PKHD1: variants seen among roughly 807,000 people sequenced by gnomAD.
The protein encoded by PKHD1 is PKHD1 ciliary IPT domain containing fibrocystin/polyductin.
PKHD1 carries 291 observed loss-of-function variants against 412.0 expected under a neutral mutation model. The ratio of observed to expected loss-of-function variants is 0.71; its 90% CI spans 0.64 to 0.78. The LOEUF is 0.78. PKHD1 is among the 30% of genes least tolerant of loss of function. The probability of loss-of-function intolerance (pLI) is 0.00; values close to 1 mark genes in which losing one functional copy is unlikely to be tolerated. For synonymous variants in PKHD1, 1,777 were observed against 1,821.5 expected (o/e 0.98, Z 0.62); for missense variants, 4,825 against 4,950.7 (o/e 0.97, Z 0.76).
chr6:51,629,312 G>T (rs900453428), intron 65 of PKHD1, among the ~76,000 whole-genome samples: 1 of 151,854 alleles, frequency 6.6e-6, no homozygotes, highest in Admixed American at 6.6e-5. Flanking sequence ...CACAAACTAT[G>T]CATCTGACAA....
rs1806566447 is a variant in PKHD1, at chr6:52,050,159, T to C, written c.2277A>G (p.Ala759=). 2 of 1,613,882 alleles carry C rather than the reference T, an allele frequency of 1.2e-6. No homozygotes were observed. Among genetic ancestry groups the C allele is most frequent in the Admixed American group, 1.7e-5 (1 of 60,002 alleles). The change falls in exon 22 of 67, where the codon GCA becomes GCG. Residue 759 remains alanine (A), a splice_region_variant and synonymous_variant. Transcript: ENST00000371117. The part of the protein sequence containing the change: ...GCGTELPLIT[A]RSVPTEGTEE... ...GGTGTAAAAAAGCCACTCCTTACCG[T>C]GCAGTGATGAGCGGGAGCTCCGTGC...
intron 43 of PKHD1, among the ~76,000 whole-genome samples, chr6:51,890,713 G>A (rs1664052636): frequency 6.6e-6 from 1 of 152,168 alleles, no homozygotes; most frequent in Admixed American, 6.5e-5. Flanking sequence ...GGGGAAAAAA[G>A]CATGCACAGC....
rs1446257409 is a variant in PKHD1 at position 52,043,123 on chromosome 6, T to A, written c.2833A>T (p.Asn945Tyr). 1.9e-6 allele frequency: 3 copies of A among 1,611,936 alleles called. No homozygotes were observed. Among genetic ancestry groups the A allele is most frequent in the Non-Finnish European group, 2.5e-6 (3 of 1,178,216 alleles). ...GTTCCGGTAATGTAAATCATTAGGTTGATGTCACCATCTTAAAGGAGAAAA... is the reference window on the plus strand; with the variant it reads ...GTTCCGGTAATGTAAATCATTAGGTAGATGTCACCATCTTAAAGGAGAAAA... ...SVWYSIDGDI[N>Y]LMIYITGTGF... is the part of the protein sequence containing the mutation. Residue 945 changes from asparagine (N) to tyrosine (Y), a missense_variant, in exon 27 of 67, where the codon AAC (asparagine) becomes TAC (tyrosine). Transcript: ENST00000371117.
intron 36 of PKHD1, among the ~76,000 whole-genome samples, chr6:51,937,971 G>A (rs895336101): frequency 6.6e-6 from 1 of 152,194 alleles, no homozygotes; most frequent in Non-Finnish European, 1.5e-5. Flanking sequence ...TCACAGGCTG[G>A]CTGGCTTTGC....
At position 51,659,791 on chromosome 6, in the gene PKHD1, AT is replaced by A. The variant is rs2150417202; in HGVS notation, c.10334del (p.Asn3445MetfsTer66). The A allele has an allele frequency of 6.2e-7, 1 of 1,613,814 alleles. No homozygotes were observed. Among genetic ancestry groups the A allele is most frequent in the Non-Finnish European group, 8.5e-7 (1 of 1,179,808 alleles). ...CAGAAGTAGAGCAGGGAATATTGGC[AT>A]TTACACTGCTAAAGACATCAACAAA... ...SGFVDVFSSVNANIPCSTSGS... is the reference protein window; with the variant it reads ...SGFVDVFSSVXANIPCSTSGS... On this transcript the variant is annotated frameshift_variant, in exon 61 of 67. Coordinates refer to ENST00000371117, the MANE Select transcript of PKHD1 (RefSeq NM_138694.4). LOFTEE classifies it high-confidence loss of function.
chr6:52,059,359 C>G (rs527340670), intron 15 of PKHD1, among the ~76,000 whole-genome samples: 1 of 147,082 alleles, frequency 6.8e-6, no homozygotes, highest in Non-Finnish European at 1.5e-5. Context: ...GGTGATCCTC[C>G]TGCCTCAGCC....
chr6:52,022,105 C>T (rs1489566765), intron 33 of PKHD1, among the ~76,000 whole-genome samples: 1 of 152,124 alleles, frequency 6.6e-6, no homozygotes, highest in African/African-American at 2.4e-5. Flanking sequence ...TTTCCTGAAG[C>T]TCAGTGGGGT....
chr6:51,744,344 C>T, intron 60 of PKHD1, 41 bp downstream of exon 60: 1 of 1,580,884 alleles, frequency 6.3e-7, no homozygotes, highest in Non-Finnish European at 8.7e-7. Flanking sequence ...TCACAAGCAC[C>T]CTTGCCTCTA....
chr6:51,918,465 T>A (rs1340943787), intron 37 of PKHD1, among the ~76,000 whole-genome samples: 3 of 152,136 alleles, frequency 2.0e-5, no homozygotes, highest in African/African-American at 7.2e-5. Flanking sequence ...CTGTCTTGTG[T>A]TAGTTTGCTG....
intron 64 of PKHD1, among the ~76,000 whole-genome samples, chr6:51,634,657 T>C (rs1204968964): frequency 6.6e-6 from 1 of 152,202 alleles, no homozygotes; most frequent in Non-Finnish European, 1.5e-5. Flanking sequence ...TCAATTGCTT[T>C]GGATGTTTAT....
chr6:51,628,877 A>G lies in PKHD1; in HGVS notation c.11666-1761T>C, dbSNP rs528865190. ...GGCAAAATAATAGAGACATAGACCA[A>G]TGGAACAGGTGAGAGAACTCAATAA... On this transcript the variant is annotated intron_variant, in intron 65 of 66. Transcript: ENST00000371117. Among the ~76,000 whole-genome samples the G allele has an allele frequency of 1.1e-4, 16 of 152,324 alleles. No homozygotes were observed. The East Asian group carries it at 2.9e-3, about 28-fold the overall frequency.
intron 60 of PKHD1, among the ~76,000 whole-genome samples, chr6:51,672,066 T>C (rs936850488): frequency 6.6e-6 from 1 of 152,230 alleles, no homozygotes; most frequent in African/African-American, 2.4e-5. Flanking sequence ...ACAGAGTAGC[T>C]TTTATTGGAC....
At chr6:51,632,918 A>G (rs1217208221) in intron 64 of PKHD1, among the ~76,000 whole-genome samples, 195 bp from the exon 65 acceptor site, 2 of 152,194 alleles carry the variant, frequency 1.3e-5, no homozygotes, top group Non-Finnish European at 2.9e-5. Context: ...GATTCCAACA[A>G]TAACACATAA....
chr6:51,989,903 G>T, intron 35 of PKHD1, among the ~76,000 whole-genome samples: 1 of 48,026 alleles, frequency 2.1e-5, no homozygotes, highest in East Asian at 7.7e-4. Flanking sequence ...GAAGGAGGGA[G>T]GAAGGAAGGA....
chr6:51,826,969 T>C (rs1454659669), intron 52 of PKHD1, among the ~76,000 whole-genome samples: 1 of 152,174 alleles, frequency 6.6e-6, no homozygotes, highest in Non-Finnish European at 1.5e-5. Flanking sequence ...TGCTATTCTA[T>C]TTGAATAATG....
chr6:51,758,249 G>A (rs773789530), intron 55 of PKHD1, among the ~76,000 whole-genome samples: 18 of 151,830 alleles, frequency 1.2e-4, no homozygotes, highest in Non-Finnish European at 2.4e-4. Context: ...GAAGTCTTTC[G>A]GGTTCTATAC....
chr6:52,058,450 G>A lies in PKHD1; in HGVS notation c.1385C>T (p.Ala462Val). 1.2e-6 allele frequency: 2 copies of A among 1,614,158 alleles called. No individual in the cohort carries two copies. Among genetic ancestry groups the A allele is most frequent in the Non-Finnish European group, 1.7e-6 (2 of 1,180,010 alleles). Reference protein sequence around the residue: ...YYLEAEHHGIAPSRGMRIGVQ... With the variant: ...YYLEAEHHGIVPSRGMRIGVQ... ...ACCAATCCTCATCCCCCTGCTTGGG[G>A]CTATCCCATGATGCTCTGCTTCCAG... is the stretch of plus-strand genomic sequence containing the variant. The change falls in exon 16 of 67, where the codon GCC becomes GTC. Residue 462 changes from alanine to valine, a missense_variant. Physicochemically the swap from Ala to Val is moderately conservative, Grantham distance 64. Coordinates refer to ENST00000371117, the MANE Select transcript of PKHD1 (RefSeq NM_138694.4).
At chr6:51,641,412 T>G (rs1023722122) in intron 63 of PKHD1, among the ~76,000 whole-genome samples, 1 of 152,152 alleles carries the variant, frequency 6.6e-6, no homozygotes, top group African/African-American at 2.4e-5. Flanking sequence ...ACAACATATG[T>G]GGAGAAATAG....
chr6:51,706,153 C>A (rs1336737439), intron 60 of PKHD1, among the ~76,000 whole-genome samples: 1 of 152,004 alleles, frequency 6.6e-6, no homozygotes, highest in East Asian at 1.9e-4. Context: ...ACTTTCCTCT[C>A]TCGAAATTTT....
Sources: gnomAD v4.1 joint callset for allele counts (sites outside exome capture counted in the v4.1 genomes callset) on GRCh38, gnomAD v4.1.1 for gene constraint, MANE v1.5 for transcripts, NCBI Gene and HGNC (gene_info 2026-07-23, HGNC 2026-07-21) for gene names.